The following NMT2 variants were observed in gnomAD, a reference collection of about 807,000 sequenced individuals.
NMT2 encodes glycylpeptide N-tetradecanoyltransferase 2.
Under a neutral mutation model 65.4 loss-of-function variants are expected in NMT2, and 35 were observed. The observed-to-expected ratio is 0.54, with a 90% confidence interval of 0.41 to 0.71. NMT2 has a LOEUF of 0.71. NMT2 is among the 30% of genes least tolerant of loss of function. The pLI, the probability that NMT2 is intolerant of heterozygous loss-of-function variation, is 0.00. For synonymous variants in NMT2, 226 were observed against 231.8 expected (o/e 0.98, Z 0.23); for missense variants, 489 against 611.3 (o/e 0.80, Z 2.11).
chr10:15,155,322 G>C, intron 1 of NMT2: 1 of 1,191,758 alleles, frequency 8.4e-7, no homozygotes, highest in Non-Finnish European at 1.2e-6. Flanking sequence ...GTTGACCATG[G>C]CTGGTAGTAC....
chr10:15,135,232 CTTTG>C (rs1208064440), intron 3 of NMT2, 38 bp downstream of exon 3: 53 of 1,602,042 alleles, frequency 3.3e-5, no homozygotes, highest in Middle Eastern at 1.6e-4. Context: ...GTTCATCCAG[CTTTG>C]TTTGTGGGGA....
chr10:15,133,008 A>G (rs41284463), intron 5 of NMT2, 45 bp downstream of exon 5: 35,523 of 1,596,780 alleles, frequency 0.022, 467 homozygotes, highest in Non-Finnish European at 0.027. Flanking sequence ...GGAGTCCCCA[A>G]GTCAGCAGCG....
At chr10:15,138,313 A>G (rs1445735165) in intron 2 of NMT2, 1 of 469,966 alleles carries the variant, frequency 2.1e-6, no homozygotes, top group African/African-American at 2.0e-5. Flanking sequence ...ATACGGCTCT[A>G]TTTAAATGCT....
intron 10 of NMT2, among the ~76,000 whole-genome samples, chr10:15,112,174 T>TATATATA (rs1845541889): frequency 3.5e-5 from 1 of 28,874 alleles, no homozygotes; most frequent in Non-Finnish European, 6.4e-5. Context: ...GATATGGGCT[T>TATATATA]TATATATATA....
chr10:15,145,051 T>C (rs898024885), intron 1 of NMT2, among the ~76,000 whole-genome samples: 2 of 152,080 alleles, frequency 1.3e-5, no homozygotes, highest in East Asian at 1.9e-4. Context: ...ATCTATAGGA[T>C]GGATTATTCA....
intron 1 of NMT2, among the ~76,000 whole-genome samples, chr10:15,166,250 A>G (rs1833375158): frequency 6.6e-6 from 1 of 152,216 alleles, no homozygotes; most frequent in South Asian, 2.1e-4. Flanking sequence ...CAAGGGCACT[A>G]TTCAGTAAAT....
chr10:15,114,049 G>A (rs886897226), intron 9 of NMT2, among the ~76,000 whole-genome samples: 1 of 152,172 alleles, frequency 6.6e-6, no homozygotes. Flanking sequence ...GTATGCTTTG[G>A]TTTTCAAAGG....
chr10:15,123,095 A>G (rs746555650), intron 8 of NMT2, among the ~76,000 whole-genome samples: 3 of 152,330 alleles, frequency 2.0e-5, no homozygotes, highest in South Asian at 2.1e-4. Context: ...AAAAAGTATC[A>G]TAAGTTTGGC....
chr10:15,135,776 G>T (rs1846462240), intron 2 of NMT2, among the ~76,000 whole-genome samples: 2 of 136,492 alleles, frequency 1.5e-5, no homozygotes, highest in African/African-American at 5.4e-5. Flanking sequence ...CACGAGCCTT[G>T]GGTGGGGGGC....
chr10:15,159,429 G>A (rs77744973), intron 1 of NMT2, among the ~76,000 whole-genome samples: 4 of 109,658 alleles, frequency 3.6e-5, no homozygotes, highest in African/African-American at 1.3e-4. Flanking sequence ...TTTATTTATT[G>A]AGACAGAGTC....
At chr10:15,135,090 T>G (rs532673480) in intron 3 of NMT2, among the ~76,000 whole-genome samples, 184 bp downstream of exon 3, 10 of 152,344 alleles carry the variant, frequency 6.6e-5, no homozygotes, top group African/African-American at 2.2e-4. Context: ...CCAATGTCAC[T>G]ATCTAATATT....
At position 15,168,643 on chromosome 10, in the gene NMT2, C is replaced by A. The variant is rs770759699; in HGVS notation, c.-31G>T. On this transcript the variant is annotated 5_prime_UTR_variant, in exon 1 of 12. Coordinates refer to ENST00000378165, the MANE Select transcript of NMT2 (RefSeq NM_004808.3). ...CGGCGCTGGCTGGGGAGGCGGTGCTCGGGGCCGGGCCGGAGCGGCCGCAGC... is the reference window on the plus strand; with the variant it reads ...CGGCGCTGGCTGGGGAGGCGGTGCTAGGGGCCGGGCCGGAGCGGCCGCAGC... 2.6e-6 allele frequency: 4 copies of A among 1,542,050 alleles called. No individual in the cohort carries two copies. In the African/African-American group the frequency reaches 4.3e-5, roughly 16 times the overall value.
chr10:15,120,290 T>C (rs1845884052), intron 8 of NMT2, among the ~76,000 whole-genome samples: 1 of 152,090 alleles, frequency 6.6e-6, no homozygotes, highest in Non-Finnish European at 1.5e-5. Flanking sequence ...AAACCCTGTC[T>C]CTACGAAAAA....
At chr10:15,116,079 A>G (rs1421858999) in intron 9 of NMT2, among the ~76,000 whole-genome samples, 1 of 152,242 alleles carries the variant, frequency 6.6e-6, no homozygotes, top group African/African-American at 2.4e-5. Flanking sequence ...ATTAATCAAC[A>G]TGATGCAATT....
intron 3 of NMT2, among the ~76,000 whole-genome samples, chr10:15,135,045 G>C (rs1846426118): frequency 6.6e-6 from 1 of 152,048 alleles, no homozygotes; most frequent in African/African-American, 2.4e-5. Flanking sequence ...TTTTTATTGG[G>C]ATAGAAATTG....
At chr10:15,137,736 C>A (rs75612088) in intron 2 of NMT2, among the ~76,000 whole-genome samples, 19,650 of 152,056 alleles carry the variant, frequency 0.13, 1,390 homozygotes, top group Middle Eastern at 0.28. Context: ...ATTTTTTGTT[C>A]CTTGATTTCT....
chr10:15,142,277 G>T (rs1846800738), intron 1 of NMT2, among the ~76,000 whole-genome samples: 1 of 152,244 alleles, frequency 6.6e-6, no homozygotes, highest in African/African-American at 2.4e-5. Context: ...TAAGCACGCT[G>T]TTGGGCACAG....
chr10:15,134,710 G>A (rs1357935091), intron 3 of NMT2, among the ~76,000 whole-genome samples: 1 of 152,124 alleles, frequency 6.6e-6, no homozygotes, highest in African/African-American at 2.4e-5. Flanking sequence ...GGCTAGGTGC[G>A]GTGGCTCACA....
intron 8 of NMT2, among the ~76,000 whole-genome samples, chr10:15,122,000 G>T (rs1845944346): frequency 6.6e-6 from 1 of 152,182 alleles, no homozygotes; most frequent in African/African-American, 2.4e-5. Flanking sequence ...GAAATGTCCA[G>T]ATCTCCACTG....
Sources: allele counts gnomAD v4.1 joint callset (sites outside exome capture counted in the v4.1 genomes callset), GRCh38; gene constraint gnomAD v4.1.1; transcripts MANE v1.5; gene names NCBI Gene and HGNC (gene_info 2026-07-23, HGNC 2026-07-21).